ARHGAP26: variants seen among roughly 807,000 people sequenced by gnomAD.
ARHGAP26 encodes the protein rho GTPase-activating protein 26.
ARHGAP26 carries 38 observed loss-of-function variants against 104.8 expected under a neutral mutation model. The ratio of observed to expected loss-of-function variants is 0.36; its 90% CI spans 0.28 to 0.48. The LOEUF (loss-of-function observed/expected upper bound fraction) is 0.48, where lower values mean the gene tolerates loss of function less well. ARHGAP26 is among the 20% of genes least tolerant of loss of function. The probability of loss-of-function intolerance (pLI) is 0.99; values close to 1 mark genes in which losing one functional copy is unlikely to be tolerated. For synonymous variants in ARHGAP26, 341 were observed against 340.0 expected (o/e 1.00, Z -0.03); for missense variants, 704 against 947.9 (o/e 0.74, Z 3.38).
chr5:143,012,650 A>G (rs1385885169), intron 11 of ARHGAP26, among the ~76,000 whole-genome samples: 1 of 135,458 alleles, frequency 7.4e-6, no homozygotes, highest in Non-Finnish European at 1.6e-5. Flanking sequence ...GGGTTCTATG[A>G]TTTTTTTTCA....
chr5:143,172,791 G>C (rs1372137355), intron 20 of ARHGAP26, among the ~76,000 whole-genome samples: 1 of 152,218 alleles, frequency 6.6e-6, no homozygotes, highest in Non-Finnish European at 1.5e-5. Context: ...GAGGATCCCA[G>C]TTATCTTGGC....
chr5:143,193,804 AGTT>A lies in ARHGAP26; in HGVS notation c.1989-13390_1989-13388del, dbSNP rs547674769. On this transcript the variant is annotated intron_variant, in intron 20 of 22. Coordinates refer to ENST00000645722, the MANE Select transcript of ARHGAP26 (RefSeq NM_001135608.3). ...ATTGTTATAATTGTTTTATCATTGTAGTTGTTCATCTCTTATTATGCTTAAATG... is the reference window on the plus strand; with the variant it reads ...ATTGTTATAATTGTTTTATCATTGTAGTTCATCTCTTATTATGCTTAAATG... 342 of 152,332 alleles carry A rather than the reference AGTT, an allele frequency of 2.2e-3. 2 individuals are homozygous for A. Among genetic ancestry groups the A allele is most frequent in the African/African-American group, 8.0e-3 (332 of 41,566 alleles). The allele number at this position is 152,332 out of a possible 1,614,324, so 9.4% of individuals were successfully genotyped here.
In ARHGAP26 at chr5:143,213,299, C is replaced by CA. The variant is rs142034437; in HGVS notation, c.2100-690dup. Among the ~76,000 whole-genome samples, 1,016 of 151,806 alleles carry CA rather than the reference C, an allele frequency of 6.7e-3. 8 individuals carry two copies. Among genetic ancestry groups the CA allele is most frequent in the African/African-American group, 0.023 (966 of 41,394 alleles). On this transcript the variant is annotated intron_variant, in intron 21 of 22. Transcript: ENST00000645722. Reference sequence around the variant, plus strand: ...GGACATGAGAAAAGCAAAAACAAACCAAAAAAAATGCCTCATGTCCCCTCT... The same window carrying CA: ...GGACATGAGAAAAGCAAAAACAAACCAAAAAAAAATGCCTCATGTCCCCTCT...
intron 20 of ARHGAP26, among the ~76,000 whole-genome samples, chr5:143,177,936 A>T (rs1192396144): frequency 6.9e-6 from 1 of 144,768 alleles, no homozygotes. Context: ...TAAATGAGGG[A>T]CACTGAGGCT....
chr5:142,882,326 C>T (rs1475212434), intron 4 of ARHGAP26, among the ~76,000 whole-genome samples: 5 of 152,140 alleles, frequency 3.3e-5, no homozygotes, highest in Admixed American at 3.3e-4. Flanking sequence ...CGGTGTCTGT[C>T]GTATAGCTAC....
intron 9 of ARHGAP26, chr5:142,908,573 A>G: frequency 6.3e-6 from 1 of 157,492 alleles, no homozygotes; most frequent in Non-Finnish European, 1.4e-5. Context: ...TAAAGTAGAC[A>G]CTGCATTGCC....
chr5:142,896,205 C>G lies in ARHGAP26; in HGVS notation c.597+1857C>G, dbSNP rs575606104. On this transcript the variant is annotated intron_variant, in intron 6 of 22. Transcript: ENST00000645722. ...TGCAAATGCTGTCACATAGAATTTGCCTTTAGCATTATTTTTATTTGCTTT... is the reference window on the plus strand; with the variant it reads ...TGCAAATGCTGTCACATAGAATTTGGCTTTAGCATTATTTTTATTTGCTTT... Among the ~76,000 whole-genome samples the G allele has an allele frequency of 2.6e-5, 4 of 152,278 alleles. No homozygotes were observed. The East Asian group carries it at 7.7e-4, about 29-fold the overall frequency.
intron 11 of ARHGAP26, among the ~76,000 whole-genome samples, chr5:142,995,541 G>A (rs558232039): frequency 6.6e-6 from 1 of 152,320 alleles, no homozygotes; most frequent in African/African-American, 2.4e-5. Context: ...TGGAGAAATA[G>A]GAACGCTTTT....
intron 20 of ARHGAP26, among the ~76,000 whole-genome samples, chr5:143,174,637 C>T (rs1599366922): frequency 6.6e-6 from 1 of 152,136 alleles, no homozygotes; most frequent in African/African-American, 2.4e-5. Context: ...ATGCCCCATC[C>T]CCTAAACAAG....
Position 142,770,854 on chromosome 5 carries a change from G to A in ARHGAP26, c.93G>A (p.Lys31=). ...TLKSHEAELD[K]TNKFIKELIK... is the part of the protein sequence containing the mutation. Reference sequence around the variant, plus strand: ...AGTCGCACGAAGCAGAGCTGGACAAGACCAACAAATTCATCAAGGAGCTCA... The same window carrying A: ...AGTCGCACGAAGCAGAGCTGGACAAAACCAACAAATTCATCAAGGAGCTCA... The change falls in exon 1 of 23, where the codon AAG becomes AAA. Residue 31 remains lysine (K), a synonymous_variant. Coordinates refer to ENST00000645722, the MANE Select transcript of ARHGAP26 (RefSeq NM_001135608.3). 6.2e-7 allele frequency: 1 copy of A among 1,612,138 alleles called. No individual in the cohort carries two copies. Among genetic ancestry groups the A allele is most frequent in the Non-Finnish European group, 8.5e-7 (1 of 1,179,010 alleles).
intron 5 of ARHGAP26, among the ~76,000 whole-genome samples, chr5:142,889,228 C>T (rs913460570): frequency 2.6e-5 from 4 of 152,136 alleles, no homozygotes; most frequent in African/African-American, 7.2e-5. Flanking sequence ...ATCTGTTGAA[C>T]GTTTATTATG....
intron 1 of ARHGAP26, among the ~76,000 whole-genome samples, chr5:142,812,599 A>G (rs571055500): frequency 1.3e-5 from 2 of 152,126 alleles, no homozygotes; most frequent in South Asian, 2.1e-4. Context: ...CGGCCTCCCA[A>G]AGTCCTGGAA....
chr5:142,885,537 A>C, intron 5 of ARHGAP26, 138 bp downstream of exon 5: 1 of 656,810 alleles, frequency 1.5e-6, no homozygotes, highest in South Asian at 1.9e-5. Context: ...CTGATCCCTC[A>C]TCCAGTGCCT....
At chr5:143,074,961 G>A (rs1788781538) in intron 17 of ARHGAP26, among the ~76,000 whole-genome samples, 3 of 152,254 alleles carry the variant, frequency 2.0e-5, no homozygotes. Flanking sequence ...CCAGCTCTGT[G>A]TGCTGGTGCC....
chr5:142,984,157 A>G (rs1774341245), intron 11 of ARHGAP26, among the ~76,000 whole-genome samples: 1 of 152,234 alleles, frequency 6.6e-6, no homozygotes, highest in Non-Finnish European at 1.5e-5. Flanking sequence ...TGGTTCAGGC[A>G]GGGAGAAGGA....
intron 1 of ARHGAP26, among the ~76,000 whole-genome samples, chr5:142,872,201 C>G (rs921101994): frequency 6.6e-6 from 1 of 152,002 alleles, no homozygotes; most frequent in Non-Finnish European, 1.5e-5. Context: ...GGAAACAAAC[C>G]AAAACAAACA....
At chr5:143,019,556 G>A (rs144431765) in intron 12 of ARHGAP26, among the ~76,000 whole-genome samples, 2 of 152,262 alleles carry the variant, frequency 1.3e-5, no homozygotes, top group African/African-American at 4.8e-5. Context: ...ATGAGTCCAG[G>A]TTGGAAGCAG....
chr5:142,948,973 C>T (rs1446061063), intron 11 of ARHGAP26, among the ~76,000 whole-genome samples: 3 of 151,596 alleles, frequency 2.0e-5, no homozygotes, highest in Non-Finnish European at 2.9e-5. Flanking sequence ...GGCATGGTGG[C>T]GGGTGCCTGT....
chr5:143,170,472 C>T (rs1802616102), intron 20 of ARHGAP26: 1 of 152,174 alleles, frequency 6.6e-6, no homozygotes, highest in African/African-American at 2.4e-5. Context: ...TGGAAAATTC[C>T]ACCTCAGTTT....
Sources: gnomAD v4.1 joint callset for allele counts (sites outside exome capture counted in the v4.1 genomes callset) on GRCh38, gnomAD v4.1.1 for gene constraint, MANE v1.5 for transcripts, NCBI Gene and HGNC (gene_info 2026-07-23, HGNC 2026-07-21) for gene names.